NXN: variants seen among roughly 807,000 people sequenced by gnomAD.
NXN encodes nucleoredoxin 1.
A neutral mutation model predicts 48.6 loss-of-function variants in NXN; 16 were observed. The ratio of observed to expected loss-of-function variants is 0.33; its 90% CI spans 0.22 to 0.50. The LOEUF (loss-of-function observed/expected upper bound fraction) is 0.50, where lower values mean the gene tolerates loss of function less well. Ranked by LOEUF, NXN falls within the 20% of genes least tolerant of loss-of-function variation. The pLI, the probability that NXN is intolerant of heterozygous loss-of-function variation, is 0.98. For missense variants in NXN, 492 were observed against 605.5 expected, an observed-to-expected ratio of 0.81 and a Z score of 1.97; for synonymous variants, 281 against 269.6, an observed-to-expected ratio of 1.04 and a Z score of -0.41.
intron 1 of NXN, among the ~76,000 whole-genome samples, chr17:931,447 G>A (rs549346747): frequency 5.1e-4 from 75 of 145,806 alleles, no homozygotes; most frequent in African/African-American, 1.8e-3. Flanking sequence ...GCAAGGCCCT[G>A]TCTCAAAAAA....
At chr17:950,744 G>A (rs2069099844) in intron 1 of NXN, among the ~76,000 whole-genome samples, 1 of 152,182 alleles carries the variant, frequency 6.6e-6, no homozygotes, top group East Asian at 1.9e-4. Context: ...GTGGACGGAC[G>A]TGAGCAGGAC....
chr17:897,961 G>A (rs1304746221), intron 1 of NXN, among the ~76,000 whole-genome samples: 1 of 152,162 alleles, frequency 6.6e-6, no homozygotes, highest in Non-Finnish European at 1.5e-5. Flanking sequence ...GATGACAGGT[G>A]TGAACCCCTG....
intron 1 of NXN, among the ~76,000 whole-genome samples, chr17:836,685 A>G (rs896683844): frequency 2.0e-5 from 3 of 152,170 alleles, no homozygotes; most frequent in African/African-American, 7.2e-5. Context: ...TGGCTTCCTC[A>G]GCTGCAAAAT....
chr17:853,462 G>C (rs1300125965), intron 1 of NXN, among the ~76,000 whole-genome samples: 2 of 150,890 alleles, frequency 1.3e-5, no homozygotes, highest in African/African-American at 4.8e-5. Context: ...AAAAAAGAAA[G>C]CTCTCAGGTA....
chr17:878,101 G>A (rs1224872235), intron 1 of NXN: 1 of 151,980 alleles, frequency 6.6e-6, no homozygotes, highest in African/African-American at 2.4e-5. Context: ...CAATGACGCC[G>A]TAACAGAGAT....
chr17:816,055 G>A (rs569563987), intron 5 of NXN, among the ~76,000 whole-genome samples: 1 of 152,296 alleles, frequency 6.6e-6, no homozygotes, highest in African/African-American at 2.4e-5. Flanking sequence ...CAGCCATCAG[G>A]AGGGGCAGGA....
chr17:900,913 C>CTTTTTTTTTTT (rs11367844), intron 1 of NXN, among the ~76,000 whole-genome samples: 2 of 75,880 alleles, frequency 2.6e-5, no homozygotes, highest in Non-Finnish European at 5.0e-5. Context: ...GATCTGCATT[C>CTTTTTTTTTTT]TTTTTTTTTT....
At chr17:888,960 C>T (rs2068378800) in intron 1 of NXN, among the ~76,000 whole-genome samples, 1 of 84,566 alleles carries the variant, frequency 1.2e-5, no homozygotes, top group Non-Finnish European at 2.1e-5. Context: ...AAAACTCCAT[C>T]TCAAAAAAAA....
At chr17:914,423 G>T in intron 1 of NXN, among the ~76,000 whole-genome samples, 1 of 152,160 alleles carries the variant, frequency 6.6e-6, no homozygotes, top group East Asian at 1.9e-4. Context: ...ACCCGCCACA[G>T]CCTCCCAAAG....
At chr17:812,850 G>A (rs1486232883) in intron 5 of NXN, among the ~76,000 whole-genome samples, 1 of 144,896 alleles carries the variant, frequency 6.9e-6, no homozygotes, top group Admixed American at 7.0e-5. Context: ...GTAGGTGTGT[G>A]CATGTGTGTA....
At chr17:832,799 T>C (rs1324833344) in intron 1 of NXN, among the ~76,000 whole-genome samples, 1 of 152,064 alleles carries the variant, frequency 6.6e-6, no homozygotes, top group Non-Finnish European at 1.5e-5. Flanking sequence ...TCTCTGCTTG[T>C]GTTTTATCCA....
At chr17:908,192 C>T (rs2068598840) in intron 1 of NXN, among the ~76,000 whole-genome samples, 1 of 152,208 alleles carries the variant, frequency 6.6e-6, no homozygotes, top group South Asian at 2.1e-4. Flanking sequence ...ACAATTTCCT[C>T]AATTCTGACC....
chr17:889,312 G>C (rs117870628), intron 1 of NXN, among the ~76,000 whole-genome samples: 33 of 152,312 alleles, frequency 2.2e-4, no homozygotes, highest in Non-Finnish European at 4.0e-4. Flanking sequence ...TACCGTTGTC[G>C]AAACATACTG....
chr17:873,493 C>CAAAAAAAAAAAAAAAAAAAAAA (rs71145783), intron 1 of NXN, among the ~76,000 whole-genome samples: 2 of 74,996 alleles, frequency 2.7e-5, no homozygotes, highest in African/African-American at 9.8e-5. Flanking sequence ...ACACTGTCTC[C>CAAAAAAAAAAAAAAAAAAAAAA]AAAAAAAAAA....
intron 1 of NXN, among the ~76,000 whole-genome samples, chr17:924,957 G>T (rs1005097444): frequency 2.0e-5 from 3 of 152,244 alleles, no homozygotes; most frequent in Admixed American, 6.5e-5. Context: ...GTTGGGAGAA[G>T]AGATTTTACA....
chr17:816,082 G>T (rs955773057), intron 5 of NXN, among the ~76,000 whole-genome samples: 1 of 152,156 alleles, frequency 6.6e-6, no homozygotes, highest in Admixed American at 6.5e-5. Context: ...GCTCGGTAAC[G>T]CTTGGGAGAG....
chr17:915,821 T>A (rs368873690), intron 1 of NXN, among the ~76,000 whole-genome samples: 1 of 145,330 alleles, frequency 6.9e-6, no homozygotes, highest in Non-Finnish European at 1.5e-5. Flanking sequence ...CGGCCACTTA[T>A]GGTGTCAGAG....
chr17:882,505 AC>A lies in NXN; in HGVS notation c.361-56428del, dbSNP rs1372789553. Among the ~76,000 whole-genome samples, 5 of 151,992 alleles carry A rather than the reference AC, an allele frequency of 3.3e-5. No individual in the cohort carries two copies. In the East Asian group the frequency reaches 5.8e-4, roughly 18 times the overall value. On this transcript the variant is annotated intron_variant, in intron 1 of 7. Coordinates refer to ENST00000336868, the MANE Select transcript of NXN (RefSeq NM_022463.5). ...TTTTGAGATGGAGTCTCGCTCTGTC[AC>A]CCAGGCTGGAGTGCAGTGGCGCAAT...
rs148026477 is a variant in NXN at position 920,994 on chromosome 17, T to A, written c.360+58325A>T. On this transcript the variant is annotated intron_variant, in intron 1 of 7. Coordinates refer to ENST00000336868, the MANE Select transcript of NXN (RefSeq NM_022463.5). This position sits in a 1 kb window ranked among gnomAD's most constrained non-coding sequence, Gnocchi z 4.6. ...CACCTTGGCCCCCAAAAGTCCTGGA[T>A]GACAGGTGTGAGCCACCGTGCCCAG... Among the ~76,000 whole-genome samples the A allele has an allele frequency of 9.0e-4, 137 of 152,304 alleles. 1 individual carries two copies. Among genetic ancestry groups the A allele is most frequent in the Non-Finnish European group, 1.7e-3 (118 of 68,034 alleles).
Sources: allele counts gnomAD v4.1 joint callset (sites outside exome capture counted in the v4.1 genomes callset), GRCh38; gene constraint gnomAD v4.1.1; non-coding constraint Gnocchi (gnomAD v3.1); transcripts MANE v1.5; gene names NCBI Gene and HGNC (gene_info 2026-07-23, HGNC 2026-07-21).